Variants in ARHGAP24 observed in about 807,000 individuals in gnomAD.
ARHGAP24 encodes the protein Rho GTPase activating protein 24.
In ARHGAP24, 50 loss-of-function variants were observed where a neutral mutation model predicts 76.4. The ratio of observed to expected loss-of-function variants is 0.65; its 90% confidence interval spans 0.52 to 0.83. The LOEUF (loss-of-function observed/expected upper bound fraction) is 0.83. Ranked by LOEUF, ARHGAP24 falls within the 40% of genes least tolerant of loss-of-function variation. The probability of loss-of-function intolerance (pLI) is 0.00; values close to 1 mark genes in which losing one functional copy is unlikely to be tolerated. For synonymous variants in ARHGAP24, 345 were observed against 323.3 expected, an observed-to-expected ratio of 1.07 and a Z score of -0.72; for missense variants, 930 against 914.2, an observed-to-expected ratio of 1.02 and a Z score of -0.22.
At chr4:85,924,295 T>A (rs1735897574) in intron 4 of ARHGAP24, among the ~76,000 whole-genome samples, 1 of 152,102 alleles carries the variant, frequency 6.6e-6, no homozygotes, top group Non-Finnish European at 1.5e-5. Context: ...TAACACAGTG[T>A]TGAGAATGCA....
rs533476328 is a variant in ARHGAP24, at chr4:85,667,232, C to T, written c.181-54653C>T. On this transcript the variant is annotated intron_variant, in intron 2 of 9. Transcript: ENST00000395184. ...CTCCCCTCCCCCAGCATTGCTGCCG[C>T]CTTGCAGTTTGATCTCAAACTGCTG... is the stretch of plus-strand genomic sequence containing the variant. Among the ~76,000 whole-genome samples, 12 of 152,310 alleles carry T rather than the reference C, an allele frequency of 7.9e-5. No homozygotes were observed. The South Asian group carries it at 2.5e-3, about 32-fold the overall frequency.
intron 3 of ARHGAP24, among the ~76,000 whole-genome samples, chr4:85,906,299 A>G (rs1204723462): frequency 6.6e-6 from 1 of 152,198 alleles, no homozygotes; most frequent in Admixed American, 6.5e-5. Flanking sequence ...CACCCATGTC[A>G]TATGGCTGGA....
intron 3 of ARHGAP24, among the ~76,000 whole-genome samples, chr4:85,883,981 A>G (rs542224613): frequency 6.6e-6 from 1 of 152,312 alleles, no homozygotes; most frequent in African/African-American, 2.4e-5. Flanking sequence ...TCATCCACTT[A>G]AAACTCCCAT....
chr4:85,894,499 T>C (rs1185576149), intron 3 of ARHGAP24, among the ~76,000 whole-genome samples: 3 of 152,206 alleles, frequency 2.0e-5, no homozygotes. Context: ...AGGCACAAGA[T>C]CATCCAGATC....
chr4:85,772,972 G>A (rs972739400), intron 3 of ARHGAP24, among the ~76,000 whole-genome samples: 9 of 152,128 alleles, frequency 5.9e-5, no homozygotes, highest in African/African-American at 2.2e-4. Flanking sequence ...CAAATTGTGC[G>A]ATCAGTCTTT....
At chr4:85,685,593 A>T (rs1160255031) in intron 2 of ARHGAP24, among the ~76,000 whole-genome samples, 1 of 147,804 alleles carries the variant, frequency 6.8e-6, no homozygotes, top group Non-Finnish European at 1.5e-5. Flanking sequence ...AGATCGTGCC[A>T]CTTCACTCCA....
chr4:85,519,844 A>G (rs1457903681), intron 1 of ARHGAP24, among the ~76,000 whole-genome samples: 1 of 152,146 alleles, frequency 6.6e-6, no homozygotes, highest in African/African-American at 2.4e-5. Context: ...CAAAAACCAA[A>G]GAAAACTCTT....
At chr4:85,950,100 T>C (rs977843846) in intron 5 of ARHGAP24, among the ~76,000 whole-genome samples, 2 of 152,130 alleles carry the variant, frequency 1.3e-5, no homozygotes, top group Non-Finnish European at 2.9e-5. Flanking sequence ...GTTACACCTA[T>C]GATATGGTGG....
At chr4:85,962,657 A>G (rs765365866) in intron 5 of ARHGAP24, among the ~76,000 whole-genome samples, 1 of 151,806 alleles carries the variant, frequency 6.6e-6, no homozygotes, top group East Asian at 1.9e-4. Context: ...ATTCCTTAGT[A>G]TTTATGTTAT....
intron 3 of ARHGAP24, among the ~76,000 whole-genome samples, chr4:85,792,567 A>G (rs1031101187): frequency 1.3e-5 from 2 of 151,762 alleles, no homozygotes; most frequent in African/African-American, 4.8e-5. Flanking sequence ...TGAACCCTCA[A>G]AAAAAAATGT....
intron 3 of ARHGAP24, among the ~76,000 whole-genome samples, chr4:85,725,653 T>C (rs1725141050): frequency 6.6e-6 from 1 of 152,238 alleles, no homozygotes; most frequent in Non-Finnish European, 1.5e-5. Flanking sequence ...TTTGTGGATT[T>C]TTCAGGGTCT....
At chr4:85,976,444 G>T (rs1739333383) in intron 7 of ARHGAP24, among the ~76,000 whole-genome samples, 1 of 152,172 alleles carries the variant, frequency 6.6e-6, no homozygotes, top group African/African-American at 2.4e-5. Context: ...GTAAAACAGA[G>T]ACAATAATGG....
intron 9 of ARHGAP24, among the ~76,000 whole-genome samples, chr4:85,999,346 T>C (rs1393538926): frequency 3.3e-5 from 5 of 152,214 alleles, no homozygotes; most frequent in African/African-American, 9.6e-5. Flanking sequence ...GATTACAAAA[T>C]ATGAAGTATT....
At position 85,671,317 on chromosome 4, in the gene ARHGAP24, A is replaced by AT. The variant is rs1338096375; in HGVS notation, c.181-50562dup. Among the ~76,000 whole-genome samples, 7 of 152,102 alleles carry AT rather than the reference A, an allele frequency of 4.6e-5. No homozygotes were observed. The East Asian group carries it at 1.4e-3, about 29-fold the overall frequency. ...CACTTCTCAGCAAGTATTACATGGTATTTTTTCCCTGTGTTTCCTCTATAT... is the reference window on the plus strand; with the variant it reads ...CACTTCTCAGCAAGTATTACATGGTATTTTTTTCCCTGTGTTTCCTCTATAT... On this transcript the variant is annotated intron_variant, in intron 2 of 9. Coordinates refer to ENST00000395184, the MANE Select transcript of ARHGAP24 (RefSeq NM_001025616.3).
rs1389772100 is a variant in ARHGAP24, at chr4:85,721,927, T to C, written c.223T>C (p.Cys75Arg). The C allele has an allele frequency of 2.5e-6, 4 of 1,613,544 alleles. No homozygotes were observed. The highest frequency in any genetic ancestry group is 3.4e-6 in the Non-Finnish European group (4 of 1,179,652). The change falls in exon 3 of 10, where the codon TGC becomes CGC. Residue 75 changes from cysteine to arginine, a missense_variant. Cys to Arg is a radical substitution (Grantham distance 180). Transcript: ENST00000395184. ...TGGAAATAAAGTTTCTGAGCATCCC[T>C]GCAATGAAGAGAACCCAGGGAAGTT... Reference protein sequence around the residue: ...LPGNKVSEHPCNEENPGKFLF... With the variant: ...LPGNKVSEHPRNEENPGKFLF...
chr4:85,712,505 T>C (rs1724565717), intron 2 of ARHGAP24, among the ~76,000 whole-genome samples: 1 of 152,126 alleles, frequency 6.6e-6, no homozygotes, highest in African/African-American at 2.4e-5. Flanking sequence ...ACAAAAGACA[T>C]TTATTATCTC....
chr4:85,803,942 C>A (rs1234194087), intron 3 of ARHGAP24, among the ~76,000 whole-genome samples: 1 of 145,516 alleles, frequency 6.9e-6, no homozygotes, highest in African/African-American at 2.5e-5. Context: ...TTTTTTTTTT[C>A]TTTTTCTTTT....
intron 3 of ARHGAP24, among the ~76,000 whole-genome samples, chr4:85,864,576 T>C (rs17011103): frequency 0.083 from 12,529 of 151,836 alleles, 758 homozygotes; most frequent in African/African-American, 0.15. Context: ...AAACTTATGA[T>C]AGACAGGCAA....
chr4:85,840,017 C>CTTTTTTTTTTTTTT (rs70948759), intron 3 of ARHGAP24, among the ~76,000 whole-genome samples: 6 of 116,032 alleles, frequency 5.2e-5, no homozygotes, highest in African/African-American at 9.7e-5. Flanking sequence ...GCCTGGCTAA[C>CTTTTTTTTTTTTTT]TTTTTTTTTT....
Sources: gnomAD v4.1 joint callset for allele counts (sites outside exome capture counted in the v4.1 genomes callset) on GRCh38, gnomAD v4.1.1 for gene constraint, MANE v1.5 for transcripts, NCBI Gene and HGNC (gene_info 2026-07-23, HGNC 2026-07-21) for gene names.